The following RAD51B variants were observed in gnomAD, a reference collection of about 807,000 sequenced individuals.
RAD51B encodes DNA repair protein RAD51 homolog 2.
RAD51B carries 38 observed loss-of-function variants against 42.2 expected under a neutral mutation model. That is an observed-to-expected ratio of 0.90 (90% CI 0.70 to 1.18). The LOEUF is 1.18. Among genes scored for constraint, RAD51B ranks in the 50% most tolerant of loss-of-function variants. The pLI is 0.00. For missense variants in RAD51B, 373 were observed against 400.7 expected, an observed-to-expected ratio of 0.93 and a Z score of 0.59; for synonymous variants, 154 against 145.2, an observed-to-expected ratio of 1.06 and a Z score of -0.43.
At chr14:68,252,540 A>C (rs2080657741) in intron 7 of RAD51B, among the ~76,000 whole-genome samples, 1 of 152,226 alleles carries the variant, frequency 6.6e-6, no homozygotes, top group African/African-American at 2.4e-5. Context: ...AACAATGGAG[A>C]AACATACATG....
chr14:67,942,388 A>T (rs2045240121), intron 7 of RAD51B, among the ~76,000 whole-genome samples: 1 of 152,192 alleles, frequency 6.6e-6, no homozygotes, highest in South Asian at 2.1e-4. Context: ...CTATTATGGA[A>T]ATCACAATGT....
intron 7 of RAD51B, among the ~76,000 whole-genome samples, chr14:68,040,361 C>G (rs2140393765): frequency 6.6e-6 from 1 of 152,214 alleles, no homozygotes; most frequent in East Asian, 1.9e-4. Flanking sequence ...ACCGCTTGTA[C>G]TTTTATTTAC....
At chr14:68,242,019 T>C (rs1595595005) in intron 7 of RAD51B, among the ~76,000 whole-genome samples, 1 of 152,354 alleles carries the variant, frequency 6.6e-6, no homozygotes, top group African/African-American at 2.4e-5. Context: ...TCAGCCTGGC[T>C]ATACCTCAGC....
intron 7 of RAD51B, among the ~76,000 whole-genome samples, chr14:68,279,942 C>A (rs949259690): frequency 6.6e-6 from 1 of 152,208 alleles, no homozygotes; most frequent in African/African-American, 2.4e-5. Context: ...TATTCCAGAT[C>A]CCAGTGTTGT....
intron 7 of RAD51B, among the ~76,000 whole-genome samples, chr14:67,992,969 C>T (rs1415222778): frequency 2.0e-5 from 3 of 152,042 alleles, no homozygotes; most frequent in Admixed American, 6.6e-5. Flanking sequence ...AAGTGCTGGT[C>T]GCTCTGCTAG....
chr14:67,866,935 A>C (rs2042350510), intron 5 of RAD51B, among the ~76,000 whole-genome samples: 1 of 152,170 alleles, frequency 6.6e-6, no homozygotes, highest in African/African-American at 2.4e-5. Flanking sequence ...GTTCACAAGG[A>C]GCTCTTATGA....
At chr14:67,868,679 T>A (rs1423290300) in intron 5 of RAD51B, among the ~76,000 whole-genome samples, 8 of 149,290 alleles carry the variant, frequency 5.4e-5, no homozygotes, top group Non-Finnish European at 6.0e-5. Flanking sequence ...CAGACATAAA[T>A]GTCCCTGTCT....
intron 10 of RAD51B, among the ~76,000 whole-genome samples, chr14:68,566,579 A>G (rs1229762343): frequency 3.3e-5 from 5 of 152,190 alleles, no homozygotes; most frequent in African/African-American, 1.2e-4. Flanking sequence ...TACCACTGCC[A>G]GATTGACCAC....
At chr14:68,634,095 A>T in intron 10 of RAD51B, among the ~76,000 whole-genome samples, 1 of 152,066 alleles carries the variant, frequency 6.6e-6, no homozygotes, top group East Asian at 1.9e-4. Flanking sequence ...CTTGAGTTGG[A>T]CTCCTGCCAT....
intron 11 of RAD51B, chr14:68,650,940 A>G: frequency 1.5e-6 from 1 of 645,220 alleles, no homozygotes; most frequent in Non-Finnish European, 2.8e-6. Context: ...TATAAAGTAG[A>G]CCCAAGAACC....
intron 9 of RAD51B, among the ~76,000 whole-genome samples, chr14:68,442,840 T>A (rs2085333414): frequency 6.6e-6 from 1 of 152,134 alleles, no homozygotes; most frequent in Non-Finnish European, 1.5e-5. Context: ...AAGTGGAGGC[T>A]GTGAAAAGTT....
At chr14:67,984,737 G>A (rs925664557) in intron 7 of RAD51B, among the ~76,000 whole-genome samples, 3 of 152,184 alleles carry the variant, frequency 2.0e-5, no homozygotes, top group African/African-American at 7.2e-5. Context: ...GTGCCGAGCT[G>A]TCAGTGGTCA....
intron 10 of RAD51B, among the ~76,000 whole-genome samples, chr14:68,602,509 G>GCT (rs766015760): frequency 0.11 from 16,035 of 146,084 alleles, 1,116 homozygotes; most frequent in Non-Finnish European, 0.15. Flanking sequence ...TGGATAGCTA[G>GCT]ATAGATAGCT....
At chr14:68,200,138 T>C (rs1278976818) in intron 7 of RAD51B, among the ~76,000 whole-genome samples, 1 of 152,134 alleles carries the variant, frequency 6.6e-6, no homozygotes, top group African/African-American at 2.4e-5. Flanking sequence ...TCTGCTCAGA[T>C]TTCAGGCTCT....
At chr14:68,556,491 C>A (rs1424797138) in intron 10 of RAD51B, among the ~76,000 whole-genome samples, 1 of 152,110 alleles carries the variant, frequency 6.6e-6, no homozygotes, top group African/African-American at 2.4e-5. Context: ...AGTGAGGGGA[C>A]CCCTGGGGGA....
At position 68,356,862 on chromosome 14, in the gene RAD51B, A is replaced by G. The variant is rs886200498; in HGVS notation, c.854-54562A>G. Among the ~76,000 whole-genome samples the G allele has an allele frequency of 6.6e-5, 10 of 151,936 alleles. No homozygotes were observed. The South Asian group carries it at 8.3e-4, about 13-fold the overall frequency. The stretch of plus-strand genomic sequence containing the variant: ...GCCGGGCGCGGTGGCGGGCGCCTGT[A>G]GTCCCAGCTACTTGGGAGGCTGAGG... On this transcript the variant is annotated intron_variant, in intron 8 of 10. Coordinates refer to ENST00000471583, the MANE Select transcript of RAD51B (RefSeq NM_133510.4).
intron 7 of RAD51B, among the ~76,000 whole-genome samples, chr14:68,241,000 G>A (rs1164188346): frequency 4.6e-5 from 7 of 152,174 alleles, no homozygotes; most frequent in South Asian, 2.1e-4. Context: ...CTTGTTTATC[G>A]TTTGTTAGCC....
intron 7 of RAD51B, among the ~76,000 whole-genome samples, chr14:68,129,018 G>A (rs1456184163): frequency 6.6e-6 from 1 of 152,136 alleles, no homozygotes; most frequent in African/African-American, 2.4e-5. Context: ...CAAGGGCACT[G>A]GTCTTGCTTC....
At chr14:68,037,460 C>G (rs2140386522) in intron 7 of RAD51B, among the ~76,000 whole-genome samples, 1 of 151,882 alleles carries the variant, frequency 6.6e-6, no homozygotes, top group East Asian at 2.0e-4. Context: ...ACCTCGTGAT[C>G]TGCCTGCCTT....
Sources: allele counts gnomAD v4.1 joint callset (sites outside exome capture counted in the v4.1 genomes callset), GRCh38; gene constraint gnomAD v4.1.1; transcripts MANE v1.5; gene names NCBI Gene and HGNC (gene_info 2026-07-23, HGNC 2026-07-21).